ATP13A3: variants seen among roughly 807,000 people sequenced by gnomAD.
ATP13A3 encodes ATPase 13A3.
Under a neutral mutation model 158.1 loss-of-function variants are expected in ATP13A3, and 59 were observed. That is an observed-to-expected ratio of 0.37 (90% CI 0.30 to 0.46). ATP13A3 has a LOEUF of 0.46. ATP13A3 is among the 20% of genes least tolerant of loss of function. The pLI is 1.00. For missense variants in ATP13A3, 1,166 were observed against 1,525.2 expected (o/e 0.76, Z 3.92); for synonymous variants, 491 against 504.3 (o/e 0.97, Z 0.35).
chr3:194,429,814 A>AT, intron 26 of ATP13A3, 40 bp from the exon 27 acceptor site: 1 of 1,557,890 alleles, frequency 6.4e-7, no homozygotes, highest in Non-Finnish European at 8.8e-7. Flanking sequence ...GAATAGAAGC[A>AT]TTTTAAACTC....
intron 2 of ATP13A3, among the ~76,000 whole-genome samples, chr3:194,467,150 A>C (rs1720041620): frequency 6.6e-6 from 1 of 152,268 alleles, no homozygotes; most frequent in African/African-American, 2.4e-5. Context: ...TAGATGAATA[A>C]GCATGTTTTA....
At position 194,425,507 on chromosome 3, in the gene ATP13A3, C is replaced by T. The variant is rs930578393; in HGVS notation, c.3148G>A (p.Gly1050Arg). 13 of 1,611,778 alleles carry T rather than the reference C, an allele frequency of 8.1e-6. No individual in the cohort carries two copies. The highest frequency in any genetic ancestry group is 1.7e-4 in the Middle Eastern group (1 of 6,014). Residue 1050 changes from glycine (G) to arginine (R), a missense_variant, in exon 30 of 34, where the codon GGG (glycine) becomes AGG (arginine). By Grantham distance (125) the Gly-to-Arg change is moderately radical. This residue lies in a region of ATP13A3 where 997 missense variants were observed against 1,341.2 expected (regional missense o/e 0.74). Transcript: ENST00000645319. Reference protein sequence around the residue: ...KSDACNTTGSGFWNSSHVDNE... With the variant: ...KSDACNTTGSRFWNSSHVDNE... ...TCTACGTGTGAAGAATTCCAAAACC[C>T]GCTTCCTGTTGTATTACAAGCACTA...
Position 194,459,521 on chromosome 3 carries a change from A to G in ATP13A3, c.429T>C (p.His143=). Residue 143 remains histidine, a synonymous_variant, in exon 6 of 34, where the codon CAT becomes CAC. Transcript: ENST00000645319. Reference sequence around the variant, plus strand: ...TATCATTCCAGAAATATTTTACACTATGGTGGGTGAAATAACGAATCTGTG... The same window carrying G: ...TATCATTCCAGAAATATTTTACACTGTGGTGGGTGAAATAACGAATCTGTG... ...ESQQIRYFTH[H]SVKYFWNDTI... 6.2e-7 allele frequency: 1 copy of G among 1,604,256 alleles called. No individual in the cohort carries two copies. Among genetic ancestry groups the G allele is most frequent in the Non-Finnish European group, 8.5e-7 (1 of 1,171,632 alleles).
At chr3:194,475,599 A>G (rs943567527) in intron 2 of ATP13A3, among the ~76,000 whole-genome samples, 5 of 152,214 alleles carry the variant, frequency 3.3e-5, no homozygotes, top group South Asian at 4.1e-4. Flanking sequence ...ATACAGTAAT[A>G]TAAGTTGCTA....
rs539545432 is a variant in ATP13A3 at position 194,484,989 on chromosome 3, A to G, written c.-47+805T>C. Reference sequence around the variant, plus strand: ...GGAGAATCGCTGAAACCCAGGAGGCAGAAGTTACAGTGAGCCGAGTTCACA... The same window carrying G: ...GGAGAATCGCTGAAACCCAGGAGGCGGAAGTTACAGTGAGCCGAGTTCACA... On this transcript the variant is annotated intron_variant, in intron 2 of 33. Transcript: ENST00000645319. 1.2e-4 allele frequency among the ~76,000 whole-genome samples: 19 copies of G among 152,044 alleles called. No individual in the cohort carries two copies. In the East Asian group the frequency reaches 3.7e-3, roughly 29 times the overall value.
intron 20 of ATP13A3, among the ~76,000 whole-genome samples, chr3:194,435,214 G>A (rs1469360774): frequency 1.3e-5 from 2 of 152,180 alleles, no homozygotes; most frequent in African/African-American, 4.8e-5. Context: ...TTTAACAGCA[G>A]GAAAAAGCCT....
At chr3:194,458,987 T>C (rs1719447249) in intron 6 of ATP13A3, 1 of 152,982 alleles carries the variant, frequency 6.5e-6, no homozygotes, top group South Asian at 2.0e-4. Flanking sequence ...AATCTTAATG[T>C]GTACTTATAT....
chr3:194,412,760 A>C, intron 32 of ATP13A3: 1 of 166,724 alleles, frequency 6.0e-6, no homozygotes, highest in Non-Finnish European at 1.3e-5. Context: ...AGAATATAGT[A>C]TCTTACATGT....
At chr3:194,478,605 G>C (rs940214642) in intron 2 of ATP13A3, among the ~76,000 whole-genome samples, 14 of 152,150 alleles carry the variant, frequency 9.2e-5, no homozygotes, top group Non-Finnish European at 2.9e-5. Flanking sequence ...ATTACAAATG[G>C]AGGTTTAGAA....
chr3:194,428,771 A>G (rs1294113177), intron 28 of ATP13A3, 74 bp downstream of exon 28: 4 of 1,088,060 alleles, frequency 3.7e-6, no homozygotes, highest in Non-Finnish European at 5.4e-6. Context: ...TGTTGATGTA[A>G]ATTTACAAAA....
intron 2 of ATP13A3, among the ~76,000 whole-genome samples, chr3:194,469,336 T>C (rs1720185768): frequency 1.3e-5 from 2 of 152,050 alleles, no homozygotes; most frequent in South Asian, 2.1e-4. Flanking sequence ...TGCATATCTG[T>C]AATCCTAGTT....
intron 31 of ATP13A3, among the ~76,000 whole-genome samples, chr3:194,416,571 G>A (rs565089272): frequency 6.6e-6 from 1 of 152,264 alleles, no homozygotes; most frequent in African/African-American, 2.4e-5. Context: ...ACAGCAAACA[G>A]TTTATCTAAT....
At chr3:194,417,018 G>T (rs1212236167) in intron 31 of ATP13A3, among the ~76,000 whole-genome samples, 1 of 152,170 alleles carries the variant, frequency 6.6e-6, no homozygotes, top group Non-Finnish European at 1.5e-5. Flanking sequence ...CAAAAAGACA[G>T]AAACAGAACG....
chr3:194,429,657 G>T, intron 27 of ATP13A3, 21 bp downstream of exon 27: 1 of 1,555,130 alleles, frequency 6.4e-7, no homozygotes, highest in Non-Finnish European at 8.8e-7. Context: ...TGTTATCTCT[G>T]CACACAATGT....
rs1230986906 is a variant in ATP13A3, at chr3:194,404,732, T to A, written c.*1187A>T. The A allele has an allele frequency of 6.6e-6, 1 of 152,256 alleles. No homozygotes were observed. Among genetic ancestry groups the A allele is most frequent in the Non-Finnish European group, 1.5e-5 (1 of 68,042 alleles). The allele number at this position is 152,256 out of a possible 1,614,324, so 9.4% of individuals were successfully genotyped here. On this transcript the variant is annotated 3_prime_UTR_variant, in exon 34 of 34. Coordinates refer to ENST00000645319, the MANE Select transcript of ATP13A3 (RefSeq NM_001367549.1). ...TTTGGCTCAATGAATGTCAATTTTTTAACTTTATTTCCTCAATTTTTTTTC... is the reference window on the plus strand; with the variant it reads ...TTTGGCTCAATGAATGTCAATTTTTAAACTTTATTTCCTCAATTTTTTTTC...
In ATP13A3 at chr3:194,421,124, A is replaced by ATATAGTT. The variant is rs1553796311; in HGVS notation, c.3314-1158_3314-1157insAACTATA. Among the ~76,000 whole-genome samples the ATATAGTT allele has an allele frequency of 1.2e-3, 84 of 70,570 alleles. 6 individuals are homozygous for ATATAGTT. Among genetic ancestry groups the ATATAGTT allele is most frequent in the Non-Finnish European group, 1.4e-3 (62 of 43,742 alleles). 46.3% of individuals were successfully genotyped at this position (70,570 alleles called of 152,430 possible). On this transcript the variant is annotated intron_variant, in intron 30 of 33. Coordinates refer to ENST00000645319, the MANE Select transcript of ATP13A3 (RefSeq NM_001367549.1). Reference sequence around the variant, plus strand: ...ACCAGTGTGTAGGGTGTATATATATATATATATATATAGTATATATATATA... The same window carrying ATATAGTT: ...ACCAGTGTGTAGGGTGTATATATATATATAGTTTATATATATATAGTATATATATATA...
At position 194,447,836 on chromosome 3, in the gene ATP13A3, A is replaced by G; in HGVS notation, c.1308+16T>C. The G allele has an allele frequency of 3.8e-6, 6 of 1,590,792 alleles. No homozygotes were observed. Among genetic ancestry groups the G allele is most frequent in the Non-Finnish European group, 5.2e-6 (6 of 1,161,456 alleles). The stretch of plus-strand genomic sequence containing the variant: ...TAATTGAGGTTCAAACCCTATTAAG[A>G]GTCCCACATACATACCTCATTTAAA... On this transcript the variant is annotated intron_variant, in intron 13 of 33. Coordinates refer to ENST00000645319, the MANE Select transcript of ATP13A3 (RefSeq NM_001367549.1).
chr3:194,485,245 A>G (rs1183074002), intron 2 of ATP13A3, among the ~76,000 whole-genome samples: 1 of 152,172 alleles, frequency 6.6e-6, no homozygotes, highest in African/African-American at 2.4e-5. Context: ...ACAATCATTA[A>G]TAATAGGTTT....
intron 33 of ATP13A3, among the ~76,000 whole-genome samples, chr3:194,407,768 A>G (rs1715049626): frequency 6.6e-6 from 1 of 152,220 alleles, no homozygotes; most frequent in African/African-American, 2.4e-5. Context: ...AGAGAGTTAT[A>G]TCAGCATCAC....
Sources: gnomAD v4.1 joint callset for allele counts (sites outside exome capture counted in the v4.1 genomes callset) on GRCh38, gnomAD v4.1.1 for gene constraint, gnomAD v4.1.1 regional missense constraint, MANE v1.5 for transcripts, NCBI Gene and HGNC (gene_info 2026-07-23, HGNC 2026-07-21) for gene names.